Variants in DPF3 observed in about 807,000 individuals in gnomAD.
DPF3 encodes the protein zinc finger protein DPF3.
A neutral mutation model predicts 56.8 loss-of-function variants in DPF3; 18 were observed. That is an observed-to-expected ratio of 0.32 (90% CI 0.22 to 0.47). The LOEUF (loss-of-function observed/expected upper bound fraction) is 0.47. Among genes scored for constraint, DPF3 ranks in the 20% least tolerant of loss-of-function variants. DPF3 has a pLI of 1.00. For synonymous variants in DPF3, 188 were observed against 180.2 expected, an observed-to-expected ratio of 1.04 and a Z score of -0.35; for missense variants, 403 against 488.8, an observed-to-expected ratio of 0.82 and a Z score of 1.65.
rs368403776 is a variant in DPF3, at chr14:72,894,067, G to T, written c.22C>A (p.Pro8Thr). The T allele has an allele frequency of 3.7e-6, 6 of 1,609,792 alleles. No individual in the cohort carries two copies. In the African/African-American group the frequency reaches 6.7e-5, roughly 18 times the overall value. Residue 8 changes from proline to threonine, a missense_variant, in exon 1 of 11, where the codon CCC (proline) becomes ACC (threonine). Pro to Thr is a conservative substitution (Grantham distance 38). Coordinates refer to ENST00000556509, the MANE Select transcript of DPF3 (RefSeq NM_001280542.3). MATVIHN[P>T]LKALGDQFYK... ...TTTAGTCTTACTTACGCTTTCAGGG[G>T]GTTGTGAATGACAGTCGCCATTTTG...
intron 5 of DPF3, 117 bp from the exon 6 acceptor site, chr14:72,714,618 T>C (rs1243536919): frequency 2.6e-6 from 3 of 1,164,314 alleles, no homozygotes; most frequent in African/African-American, 3.0e-5. Flanking sequence ...CCAACACCAG[T>C]CCCATCTTAC....
Position 72,650,168 on chromosome 14 carries a change from TGGGGA to T in DPF3, c.872-20437_872-20433del, listed in dbSNP as rs1408688551. Among the ~76,000 whole-genome samples, 52 of 152,280 alleles carry T rather than the reference TGGGGA, an allele frequency of 3.4e-4. 1 individual carries two copies. In the East Asian group the frequency reaches 9.9e-3, roughly 29 times the overall value. Reference sequence around the variant, plus strand: ...AAAAATGAGGACCCAGAGGATGGCCTGGGGATGAGGGGGGACTGCTCATTAGCTAC... The same window carrying T: ...AAAAATGAGGACCCAGAGGATGGCCTTGAGGGGGGACTGCTCATTAGCTAC... On this transcript the variant is annotated intron_variant, in intron 8 of 10. Transcript: ENST00000556509.
intron 1 of DPF3, among the ~76,000 whole-genome samples, chr14:72,861,798 AGAAAGAAG>A (rs1491172399): frequency 1.3e-5 from 2 of 150,148 alleles, no homozygotes; most frequent in African/African-American, 2.5e-5. Context: ...AAAGAAAGAA[AGAAAGAAG>A]GAAAGAATTT....
chr14:72,717,297 C>T (rs888536455), intron 5 of DPF3, among the ~76,000 whole-genome samples: 2 of 152,200 alleles, frequency 1.3e-5, no homozygotes, highest in Non-Finnish European at 2.9e-5. Context: ...GGGCAAGTTA[C>T]TTCTCTAACT....
intron 1 of DPF3, among the ~76,000 whole-genome samples, chr14:72,803,967 G>A (rs989489579): frequency 1.3e-5 from 2 of 152,024 alleles, no homozygotes; most frequent in African/African-American, 2.4e-5. Flanking sequence ...AATTTTAAAC[G>A]CTACCTCCAA....
At chr14:72,768,284 T>C (rs1336273092) in intron 2 of DPF3, among the ~76,000 whole-genome samples, 1 of 152,192 alleles carries the variant, frequency 6.6e-6, no homozygotes, top group Non-Finnish European at 1.5e-5. Context: ...TTATGTTTGA[T>C]GGTTGAAGTA....
intron 1 of DPF3, among the ~76,000 whole-genome samples, chr14:72,786,126 G>C (rs1251530512): frequency 1.3e-5 from 2 of 152,128 alleles, no homozygotes; most frequent in East Asian, 3.9e-4. Flanking sequence ...AGCCAGGCAT[G>C]GTGGTGCATG....
At chr14:72,665,370 T>C (rs1886400455) in intron 8 of DPF3, among the ~76,000 whole-genome samples, 1 of 152,220 alleles carries the variant, frequency 6.6e-6, no homozygotes, top group Non-Finnish European at 1.5e-5. Context: ...CCGAGGTATA[T>C]CTGAATGAAA....
intron 1 of DPF3, among the ~76,000 whole-genome samples, chr14:72,791,023 C>T (rs879408930): frequency 3.3e-5 from 5 of 152,128 alleles, no homozygotes; most frequent in Non-Finnish European, 7.4e-5. Flanking sequence ...TTCCTCTCCC[C>T]GCCCCTTCCT....
At chr14:72,714,780 G>A (rs1315306592) in intron 5 of DPF3, among the ~76,000 whole-genome samples, 2 of 152,126 alleles carry the variant, frequency 1.3e-5, no homozygotes, top group African/African-American at 4.8e-5. Context: ...AAGCCATAGA[G>A]AGGTTAAGTA....
At chr14:72,739,818 G>A (rs138207224) in intron 3 of DPF3, among the ~76,000 whole-genome samples, 8 of 152,274 alleles carry the variant, frequency 5.3e-5, no homozygotes, top group East Asian at 3.9e-4. Flanking sequence ...ACTATGTATC[G>A]ACTCTGTTCT....
At chr14:72,742,096 G>A (rs1006533681) in intron 3 of DPF3, among the ~76,000 whole-genome samples, 32 of 152,226 alleles carry the variant, frequency 2.1e-4, no homozygotes, top group Admixed American at 7.9e-4. Flanking sequence ...CTTCCAGCAC[G>A]TAATAGCCAC....
chr14:72,886,055 A>G (rs1215968687), intron 1 of DPF3, among the ~76,000 whole-genome samples: 1 of 152,120 alleles, frequency 6.6e-6, no homozygotes, highest in Non-Finnish European at 1.5e-5. Context: ...AATGCATACA[A>G]AGTTTCTCTC....
chr14:72,827,030 G>A (rs112866060), intron 1 of DPF3, among the ~76,000 whole-genome samples: 12,631 of 123,226 alleles, frequency 0.1, 727 homozygotes, highest in South Asian at 0.23. Context: ...CAACAAGAGC[G>A]AAACTCCATC....
intron 1 of DPF3, among the ~76,000 whole-genome samples, chr14:72,883,990 G>T (rs960212009): frequency 6.6e-6 from 1 of 151,116 alleles, no homozygotes; most frequent in Non-Finnish European, 1.5e-5. Context: ...AATGCCAACA[G>T]CTCACTCTCC....
At chr14:72,892,845 A>T (rs1372172455) in intron 1 of DPF3, among the ~76,000 whole-genome samples, 1 of 151,984 alleles carries the variant, frequency 6.6e-6, no homozygotes, top group Admixed American at 6.6e-5. Context: ...TGCCGACATC[A>T]CCCAATAGCA....
chr14:72,776,498 T>C (rs1891749554), intron 1 of DPF3, among the ~76,000 whole-genome samples: 1 of 152,132 alleles, frequency 6.6e-6, no homozygotes, highest in Non-Finnish European at 1.5e-5. Flanking sequence ...TGAGCCTATC[T>C]GTGGAGATGG....
intron 6 of DPF3, among the ~76,000 whole-genome samples, chr14:72,694,490 T>G (rs1322925938): frequency 2.0e-5 from 3 of 152,222 alleles, no homozygotes; most frequent in Non-Finnish European, 2.9e-5. Flanking sequence ...ACTGGCTGTG[T>G]GGTCCTGAGA....
Position 72,700,242 on chromosome 14 carries a change from T to C in DPF3, c.605-7029A>G, listed in dbSNP as rs77809809. 7.8e-3 allele frequency among the ~76,000 whole-genome samples: 1,184 copies of C among 152,296 alleles called. 17 individuals are homozygous for C. The highest frequency in any genetic ancestry group is 0.027 in the African/African-American group (1,136 of 41,566). ...TGTCTTCCTGTCACTGCAAACACCA[T>C]GGGCCAGCTTCGTGAGCCTGTGACC... On this transcript the variant is annotated intron_variant, in intron 6 of 10. Transcript: ENST00000556509.
Sources: gnomAD v4.1 joint callset for allele counts (sites outside exome capture counted in the v4.1 genomes callset) on GRCh38, gnomAD v4.1.1 for gene constraint, MANE v1.5 for transcripts, NCBI Gene and HGNC (gene_info 2026-07-23, HGNC 2026-07-21) for gene names.